Variants in FBXW7 observed in about 807,000 individuals in gnomAD.
The protein encoded by FBXW7 is F-box and WD repeat domain containing 7.
FBXW7 carries 11 observed loss-of-function variants against 86.3 expected under a neutral mutation model. The observed-to-expected ratio is 0.13, with a 90% CI of 0.08 to 0.21. The LOEUF is 0.21. Ranked by LOEUF, FBXW7 falls within the 10% of genes least tolerant of loss-of-function variation. The pLI is 1.00. For synonymous variants in FBXW7, 313 were observed against 297.9 expected (o/e 1.05, Z -0.52); for missense variants, 488 against 847.4 (o/e 0.58, Z 5.27).
chr4:152,484,043 T>C (rs543094635), intron 2 of FBXW7, among the ~76,000 whole-genome samples: 1 of 152,158 alleles, frequency 6.6e-6, no homozygotes, highest in African/African-American at 2.4e-5. Flanking sequence ...GACTAGAACT[T>C]TGAATAGAGT....
At chr4:152,375,298 G>T (rs1286809067) in intron 4 of FBXW7, among the ~76,000 whole-genome samples, 2 of 152,036 alleles carry the variant, frequency 1.3e-5, no homozygotes, top group Non-Finnish European at 2.9e-5. Flanking sequence ...CTAAAATTCA[G>T]AAATGTAAAA....
chr4:152,405,056 C>T (rs191805201), intron 4 of FBXW7, among the ~76,000 whole-genome samples: 4 of 136,408 alleles, frequency 2.9e-5, no homozygotes, highest in South Asian at 4.6e-4. Context: ...TATGCCACTG[C>T]ACTCCATCCA....
intron 2 of FBXW7, among the ~76,000 whole-genome samples, chr4:152,488,612 C>T (rs903500712): frequency 4.6e-5 from 7 of 152,024 alleles, no homozygotes; most frequent in African/African-American, 1.7e-4. Context: ...AACTAAAACA[C>T]TATCATTCAA....
chr4:152,421,992 C>T (rs183053083), intron 2 of FBXW7, among the ~76,000 whole-genome samples: 1 of 151,936 alleles, frequency 6.6e-6, no homozygotes, highest in Admixed American at 6.6e-5. Flanking sequence ...GCCAGAATTA[C>T]CAAAATGGGA....
At chr4:152,397,412 T>A (rs1736508131) in intron 4 of FBXW7, among the ~76,000 whole-genome samples, 1 of 151,932 alleles carries the variant, frequency 6.6e-6, no homozygotes, top group Admixed American at 6.6e-5. Context: ...TGTTTTTCTT[T>A]TTCTTTTCTT....
intron 2 of FBXW7, among the ~76,000 whole-genome samples, chr4:152,520,143 A>G (rs1748873612): frequency 6.6e-6 from 1 of 152,242 alleles, no homozygotes; most frequent in Non-Finnish European, 1.5e-5. Flanking sequence ...TAAAAAATCA[A>G]TCATTACCGG....
intron 8 of FBXW7, among the ~76,000 whole-genome samples, chr4:152,331,934 T>A (rs1729598861): frequency 6.6e-6 from 1 of 152,048 alleles, no homozygotes; most frequent in Admixed American, 6.6e-5. Flanking sequence ...TTAACTGGAC[T>A]AACCATCAAT....
Position 152,535,347 on chromosome 4 carries a change from A to C in FBXW7, c.-433T>G. The C allele has an allele frequency of 1.5e-5, 5 of 343,186 alleles. No individual in the cohort carries two copies. Among genetic ancestry groups the C allele is most frequent in the East Asian group, 4.2e-5 (1 of 23,760 alleles). The allele number at this position is 343,186 out of a possible 1,614,324, so 21.3% of individuals were successfully genotyped here. ...TAGGAACTCCTCCCGGAGTCCAGCC[A>C]AGGAGCCGGGGGGCCGGCGACTGGC... On this transcript the variant is annotated 5_prime_UTR_variant, in exon 1 of 14. Transcript: ENST00000281708.
intron 4 of FBXW7, chr4:152,382,564 C>T: frequency 1.0e-6 from 1 of 1,003,960 alleles, no homozygotes; most frequent in South Asian, 4.9e-5. Flanking sequence ...TTATAAACTA[C>T]TGAAGTGAAA....
chr4:152,527,865 TACACACACACACACACAC>T (rs149379203), intron 2 of FBXW7, among the ~76,000 whole-genome samples: 1 of 137,396 alleles, frequency 7.3e-6, no homozygotes, highest in South Asian at 2.2e-4. Flanking sequence ...AAAAATTATA[TACACACACACACACACAC>T]ACACACACAC....
intron 2 of FBXW7, among the ~76,000 whole-genome samples, chr4:152,506,244 G>A (rs1407422382): frequency 6.6e-6 from 1 of 151,956 alleles, no homozygotes; most frequent in African/African-American, 2.4e-5. Context: ...TCATTCTCCT[G>A]CCTCAGCCTC....
chr4:152,335,085 A>C (rs142198935), intron 7 of FBXW7, among the ~76,000 whole-genome samples: 40 of 152,302 alleles, frequency 2.6e-4, no homozygotes, highest in African/African-American at 8.2e-4. Context: ...ATGAGGAGGA[A>C]GTATACCAGT....
chr4:152,453,375 CCCA>C (rs1444307633), intron 2 of FBXW7, among the ~76,000 whole-genome samples: 1 of 152,034 alleles, frequency 6.6e-6, no homozygotes, highest in Non-Finnish European at 1.5e-5. Context: ...TTAGCCAAAC[CCCA>C]CGTCACCCCA....
Position 152,322,301 on chromosome 4 carries a change from T to C in FBXW7, c.*580A>G, listed in dbSNP as rs945167098. 5 of 230,200 alleles carry C rather than the reference T, an allele frequency of 2.2e-5. No homozygotes were observed. Among genetic ancestry groups the C allele is most frequent in the Non-Finnish European group, 4.2e-5 (5 of 118,062 alleles). The allele number at this position is 230,200 out of a possible 1,614,324, so 14.3% of individuals were successfully genotyped here. On this transcript the variant is annotated 3_prime_UTR_variant, in exon 14 of 14. Transcript: ENST00000281708. ...GATTAACAGAGGCTAATACTGTGAT[T>C]GATTGACATTGGCAATGGTTGGCAA... is the stretch of plus-strand genomic sequence containing the variant.
At chr4:152,477,541 T>C (rs989718538) in intron 2 of FBXW7, among the ~76,000 whole-genome samples, 4 of 152,050 alleles carry the variant, frequency 2.6e-5, no homozygotes, top group Non-Finnish European at 5.9e-5. Context: ...GGGGAAAAAA[T>C]AGTAAACCCC....
In FBXW7 at chr4:152,471,017, ACATAT is replaced by A. The variant is rs914903693; in HGVS notation, c.-119-58493_-119-58489del. On this transcript the variant is annotated intron_variant, in intron 2 of 13. Coordinates refer to ENST00000281708, the MANE Select transcript of FBXW7 (RefSeq NM_001349798.2). The stretch of plus-strand genomic sequence containing the variant: ...TTAAAGAATCTGCAGAGTAAAAATC[ACATAT>A]CATAACTAGCAGAAAATGTTGCCAT... Among the ~76,000 whole-genome samples the A allele has an allele frequency of 2.8e-4, 42 of 152,268 alleles. No homozygotes were observed. In the Middle Eastern group the frequency reaches 0.01, roughly 37 times the overall value.
chr4:152,436,431 T>C (rs570926523), intron 2 of FBXW7, among the ~76,000 whole-genome samples: 1 of 152,338 alleles, frequency 6.6e-6, no homozygotes, highest in African/African-American at 2.4e-5. Context: ...AAAGAAGCTG[T>C]CTTGATAACA....
intron 2 of FBXW7, among the ~76,000 whole-genome samples, chr4:152,471,391 A>AGGAGGGAAGGAG (rs1225842028): frequency 2.1e-5 from 3 of 139,670 alleles, no homozygotes; most frequent in African/African-American, 7.9e-5. Context: ...GAGAGAAGGA[A>AGGAGGGAAGGAG]GGAGGGAAGG....
intron 7 of FBXW7, among the ~76,000 whole-genome samples, chr4:152,333,724 T>C (rs1162611793): frequency 6.6e-6 from 1 of 152,090 alleles, no homozygotes; most frequent in Admixed American, 6.6e-5. Flanking sequence ...GTATATAATA[T>C]AAATTATGCT....
Sources: gnomAD v4.1 joint callset for allele counts (sites outside exome capture counted in the v4.1 genomes callset) on GRCh38, gnomAD v4.1.1 for gene constraint, MANE v1.5 for transcripts, NCBI Gene and HGNC (gene_info 2026-07-23, HGNC 2026-07-21) for gene names.